Variants in TMPO observed in about 807,000 individuals in gnomAD.
TMPO encodes the protein thymopoietin, also known as LEM domain containing 4.
A neutral mutation model predicts 45.4 loss-of-function variants in TMPO; 22 were observed. That is an observed-to-expected ratio of 0.48 (90% CI 0.35 to 0.69). The LOEUF is 0.69. TMPO is among the 30% of genes least tolerant of loss of function. The pLI, the probability that TMPO is intolerant of heterozygous loss-of-function variation, is 0.01. For missense variants in TMPO, 512 were observed against 548.8 expected (o/e 0.93, Z 0.67); for synonymous variants, 241 against 204.1 (o/e 1.18, Z -1.54).
chr12:98,519,316 G>A (rs879667679), intron 1 of TMPO, among the ~76,000 whole-genome samples: 2 of 149,924 alleles, frequency 1.3e-5, no homozygotes, highest in African/African-American at 2.5e-5. Flanking sequence ...CTCCTGCCTC[G>A]ACCTCCCGAG....
At chr12:98,546,853 A>G (rs530478886) in intron 8 of TMPO, among the ~76,000 whole-genome samples, 1 of 152,294 alleles carries the variant, frequency 6.6e-6, no homozygotes, top group South Asian at 2.1e-4. Flanking sequence ...TAAAATCTAA[A>G]CGAAAATCTA....
At chr12:98,532,009 A>C in intron 3 of TMPO, 171 bp downstream of exon 3, 1 of 611,746 alleles carries the variant, frequency 1.6e-6, no homozygotes, top group Non-Finnish European at 2.8e-6. Flanking sequence ...GAAAATTCTA[A>C]GAAGCAACAT....
chr12:98,519,438 A>G (rs563876573), intron 1 of TMPO, among the ~76,000 whole-genome samples: 113 of 152,272 alleles, frequency 7.4e-4, no homozygotes, highest in African/African-American at 2.5e-3. Context: ...ACCTCAGGTG[A>G]TCTGTCCCCC....
chr12:98,545,778 G>A (rs1350358345), intron 7 of TMPO, among the ~76,000 whole-genome samples: 1 of 151,886 alleles, frequency 6.6e-6, no homozygotes, highest in Non-Finnish European at 1.5e-5. Context: ...TGTTGCCCAG[G>A]CTGGAGTGCA....
chr12:98,545,105 A>C, intron 7 of TMPO, 44 bp downstream of exon 7: 1 of 1,370,904 alleles, frequency 7.3e-7, no homozygotes, highest in Non-Finnish European at 1.0e-6. Flanking sequence ...TGATCTTTCA[A>C]AGAGGAAATA....
chr12:98,517,009 C>T (rs1448938844), intron 1 of TMPO, among the ~76,000 whole-genome samples: 1 of 152,110 alleles, frequency 6.6e-6, no homozygotes, highest in African/African-American at 2.4e-5. Flanking sequence ...CGGGGTTTCT[C>T]CAAGTTGGTC....
chr12:98,539,149 GA>G (rs1395570926), intron 4 of TMPO, among the ~76,000 whole-genome samples: 1 of 152,000 alleles, frequency 6.6e-6, no homozygotes, highest in Non-Finnish European at 1.5e-5. Context: ...GCTGTGAGCC[GA>G]GATCGCGCCA....
In TMPO at chr12:98,535,478, A is replaced by T. The variant is rs993560480; in HGVS notation, c.566-1997A>T. On this transcript the variant is annotated intron_variant, in intron 3 of 8. Transcript: ENST00000556029. ...GGCCATTACCACATTCTTAGATTAT[A>T]TGTGTCCATCTTTGCAGCTTTCTGA... 4.1e-6 allele frequency: 4 copies of T among 985,242 alleles called. No homozygotes were observed. In the African/African-American group the frequency reaches 7.0e-5, roughly 17 times the overall value. The allele number at this position is 985,242 out of a possible 1,614,324, so 61.0% of individuals were successfully genotyped here.
At chr12:98,516,435 A>G (rs1036158118) in intron 1 of TMPO, 6 of 1,161,114 alleles carry the variant, frequency 5.2e-6, no homozygotes, top group African/African-American at 1.6e-5. Context: ...TCCCTGGACC[A>G]CCAGCCGCCT....
At chr12:98,532,525 G>A (rs1323665129) in intron 3 of TMPO, among the ~76,000 whole-genome samples, 1 of 152,088 alleles carries the variant, frequency 6.6e-6, no homozygotes, top group African/African-American at 2.4e-5. Context: ...CTTAAAATTT[G>A]ATCATGATGT....
intron 2 of TMPO, among the ~76,000 whole-genome samples, chr12:98,531,167 T>A (rs1209396181): frequency 2.0e-5 from 3 of 151,514 alleles, no homozygotes; most frequent in Non-Finnish European, 4.4e-5. Context: ...CTTGAACTGC[T>A]GACCTTAGGT....
At chr12:98,531,616 A>T in intron 2 of TMPO, 64 bp from the exon 3 acceptor site, 1 of 1,495,976 alleles carries the variant, frequency 6.7e-7, no homozygotes, top group Non-Finnish European at 9.3e-7. Context: ...TGCTGAAGAT[A>T]GTGTCTGAGC....
intron 2 of TMPO, among the ~76,000 whole-genome samples, chr12:98,529,156 C>T (rs1877002548): frequency 1.3e-5 from 2 of 151,342 alleles, no homozygotes; most frequent in Non-Finnish European, 2.9e-5. Flanking sequence ...CAGGTTCAAG[C>T]AGTTCTCCAG....
intron 2 of TMPO, among the ~76,000 whole-genome samples, chr12:98,529,546 A>C (rs922416721): frequency 5.3e-5 from 8 of 152,204 alleles, no homozygotes; most frequent in Admixed American, 4.6e-4. Flanking sequence ...AATAACCTCA[A>C]GATGAGAAAA....
At chr12:98,527,720 A>T (rs1876884131) in intron 1 of TMPO, 166 bp from the exon 2 acceptor site, 1 of 685,064 alleles carries the variant, frequency 1.5e-6, no homozygotes, top group Non-Finnish European at 2.5e-6. Context: ...CAACTTAGAA[A>T]GTGTTCTCCA....
chr12:98,521,488 T>A (rs1253470622), intron 1 of TMPO, among the ~76,000 whole-genome samples: 2 of 152,186 alleles, frequency 1.3e-5, no homozygotes, highest in Non-Finnish European at 1.5e-5. Context: ...TCACTTGGTA[T>A]AATGTGACAA....
At chr12:98,541,212 GTTTC>G (rs1877896202) in intron 4 of TMPO, among the ~76,000 whole-genome samples, 1 of 152,112 alleles carries the variant, frequency 6.6e-6, no homozygotes, top group Admixed American at 6.5e-5. Flanking sequence ...AATCAGCCAT[GTTTC>G]TAAGGAACCG....
chr12:98,518,470 CTTTT>C (rs11437786), intron 1 of TMPO, among the ~76,000 whole-genome samples: 7 of 83,536 alleles, frequency 8.4e-5, no homozygotes, highest in East Asian at 3.6e-4. Flanking sequence ...ATTTTCTAAT[CTTTT>C]TTTTTTTTTT....
intron 1 of TMPO, among the ~76,000 whole-genome samples, chr12:98,523,872 C>G (rs1452205193): frequency 1.3e-5 from 2 of 152,056 alleles, no homozygotes; most frequent in African/African-American, 4.8e-5. Context: ...GATGGGGTTT[C>G]ACCGTGTTGG....
Sources: allele counts gnomAD v4.1 joint callset (sites outside exome capture counted in the v4.1 genomes callset), GRCh38; gene constraint gnomAD v4.1.1; transcripts MANE v1.5; gene names NCBI Gene and HGNC (gene_info 2026-07-23, HGNC 2026-07-21).